The following RBFOX1 variants were observed in gnomAD, a reference collection of about 807,000 sequenced individuals.
The protein encoded by RBFOX1 is RNA binding protein fox-1 homolog 1.
In RBFOX1, 8 loss-of-function variants were observed where a neutral mutation model predicts 57.7. The ratio of observed to expected loss-of-function variants is 0.14; its 90% CI spans 0.08 to 0.25. The LOEUF (loss-of-function observed/expected upper bound fraction) is 0.25, where lower values mean the gene tolerates loss of function less well. Ranked by LOEUF, RBFOX1 falls within the 10% of genes least tolerant of loss-of-function variation. The pLI is 1.00. For missense variants in RBFOX1, 611 were observed against 548.5 expected (o/e 1.11, Z -1.14); for synonymous variants, 326 against 222.4 (o/e 1.47, Z -4.15).
intron 5 of RBFOX1, among the ~76,000 whole-genome samples, chr16:7,528,518 C>T (rs1884872351): frequency 6.6e-6 from 1 of 152,030 alleles, no homozygotes; most frequent in Admixed American, 6.6e-5. Flanking sequence ...CACTCCATCA[C>T]CCAGGCTGGA....
chr16:5,415,214 C>T (rs7191963), intron 1 of RBFOX1, among the ~76,000 whole-genome samples: 11 of 152,056 alleles, frequency 7.2e-5, no homozygotes, highest in Non-Finnish European at 1.3e-4. Flanking sequence ...GGGGAGACCT[C>T]AGGAAACTTA....
At chr16:6,273,299 T>C (rs2152680240) in intron 1 of RBFOX1, among the ~76,000 whole-genome samples, 1 of 148,130 alleles carries the variant, frequency 6.8e-6, no homozygotes, top group African/African-American at 2.5e-5. Flanking sequence ...AAACAGAAAA[T>C]CTTTGAGATT....
At chr16:7,077,276 C>G (rs79785612) in intron 4 of RBFOX1, among the ~76,000 whole-genome samples, 5 of 152,204 alleles carry the variant, frequency 3.3e-5, no homozygotes, top group African/African-American at 7.2e-5. Flanking sequence ...GTTAGCCCCA[C>G]TGTCTCAAAG....
chr16:6,046,137 A>T (rs947961936), intron 1 of RBFOX1, among the ~76,000 whole-genome samples: 1 of 152,210 alleles, frequency 6.6e-6, no homozygotes, highest in African/African-American at 2.4e-5. Context: ...TTTGGCTGCT[A>T]TGTGGCAGAT....
At chr16:6,795,629 G>T (rs2083830247) in intron 3 of RBFOX1, among the ~76,000 whole-genome samples, 1 of 152,022 alleles carries the variant, frequency 6.6e-6, no homozygotes, top group African/African-American at 2.4e-5. Context: ...AGCCTGGCAT[G>T]GTTGGGGGTG....
At chr16:6,708,436 A>C (rs1603449217) in intron 3 of RBFOX1, among the ~76,000 whole-genome samples, 1 of 152,174 alleles carries the variant, frequency 6.6e-6, no homozygotes, top group Non-Finnish European at 1.5e-5. Context: ...TGTACCTGTC[A>C]TTTTTGTGAA....
intron 3 of RBFOX1, among the ~76,000 whole-genome samples, chr16:5,777,156 A>G (rs957935134): frequency 6.6e-6 from 1 of 152,136 alleles, no homozygotes; most frequent in African/African-American, 2.4e-5. Context: ...ACAAGTCCCA[A>G]AATCAGCAAG....
intron 4 of RBFOX1, among the ~76,000 whole-genome samples, chr16:7,124,117 G>A (rs761914235): frequency 2.0e-5 from 3 of 152,162 alleles, no homozygotes; most frequent in African/African-American, 7.2e-5. Flanking sequence ...CAAGTCTCAG[G>A]AGAGTTTTCA....
chr16:7,709,806 C>G, intron 15 of RBFOX1: 1 of 1,260,714 alleles, frequency 7.9e-7, no homozygotes, highest in Non-Finnish European at 1.0e-6. Flanking sequence ...CTTGCCTGTA[C>G]TTGTTCAAAC....
chr16:6,318,091 C>G (rs2081324669), intron 2 of RBFOX1, among the ~76,000 whole-genome samples: 1 of 152,084 alleles, frequency 6.6e-6, no homozygotes, highest in African/African-American at 2.4e-5. Flanking sequence ...TTTCTATTGT[C>G]TTGGAATTTG....
chr16:5,397,344 G>A (rs1045342695), intron 1 of RBFOX1, among the ~76,000 whole-genome samples: 1 of 152,156 alleles, frequency 6.6e-6, no homozygotes, highest in African/African-American at 2.4e-5. Flanking sequence ...GGATGGTCTT[G>A]GGCTCTGAGT....
intron 2 of RBFOX1, among the ~76,000 whole-genome samples, chr16:6,550,024 C>A (rs1049023368): frequency 2.6e-5 from 4 of 152,132 alleles, no homozygotes; most frequent in African/African-American, 9.7e-5. Context: ...AGTTTCAAAT[C>A]CACCCAAGAA....
chr16:6,919,777 T>TTTG (rs1038874062), intron 3 of RBFOX1, among the ~76,000 whole-genome samples: 7 of 151,104 alleles, frequency 4.6e-5, no homozygotes, highest in African/African-American at 1.7e-4. Flanking sequence ...TTCTTTTTTT[T>TTTG]TTTTTTTTTC....
At chr16:7,360,391 T>C (rs1410347459) in intron 4 of RBFOX1, among the ~76,000 whole-genome samples, 1 of 152,130 alleles carries the variant, frequency 6.6e-6, no homozygotes, top group Non-Finnish European at 1.5e-5. Flanking sequence ...ATAAATGAAG[T>C]GGTCTACAGT....
chr16:7,490,711 G>T (rs563249497), intron 4 of RBFOX1, among the ~76,000 whole-genome samples: 75 of 152,246 alleles, frequency 4.9e-4, no homozygotes, highest in African/African-American at 1.7e-3. Flanking sequence ...GTTGAGGTGG[G>T]GGTGTTGATA....
chr16:7,502,749 A>C (rs1298922530), intron 4 of RBFOX1, among the ~76,000 whole-genome samples: 1 of 152,166 alleles, frequency 6.6e-6, no homozygotes, highest in Non-Finnish European at 1.5e-5. Flanking sequence ...ATTGGCTGGG[A>C]GTACTGGCTC....
intron 4 of RBFOX1, among the ~76,000 whole-genome samples, chr16:5,902,884 C>T (rs1194411202): frequency 6.6e-6 from 1 of 152,162 alleles, no homozygotes; most frequent in Non-Finnish European, 1.5e-5. Context: ...CACCTCCAAG[C>T]TCTGCCCACA....
intron 3 of RBFOX1, among the ~76,000 whole-genome samples, chr16:5,655,659 G>T (rs1289638725): frequency 6.6e-6 from 1 of 152,220 alleles, no homozygotes; most frequent in Non-Finnish European, 1.5e-5. Context: ...TTTGCAGGCA[G>T]ATGAAATGGG....
At chr16:5,544,891 T>A (rs2045119912) in intron 2 of RBFOX1, among the ~76,000 whole-genome samples, 1 of 148,278 alleles carries the variant, frequency 6.7e-6, no homozygotes, top group African/African-American at 2.5e-5. Flanking sequence ...AGATTGAATT[T>A]GTAGTTAAAA....
Sources: gnomAD v4.1 joint callset for allele counts (sites outside exome capture counted in the v4.1 genomes callset) on GRCh38, gnomAD v4.1.1 for gene constraint, MANE v1.5 for transcripts, NCBI Gene and HGNC (gene_info 2026-07-23, HGNC 2026-07-21) for gene names.